The following RIMS3 variants were observed in gnomAD, a reference collection of about 807,000 sequenced individuals.
The protein encoded by RIMS3 is regulating synaptic membrane exocytosis protein 3.
In RIMS3, 15 loss-of-function variants were observed where a neutral mutation model predicts 29.2. The observed-to-expected ratio is 0.51, with a 90% CI of 0.34 to 0.79. RIMS3 has a LOEUF of 0.79. RIMS3 is among the 30% of genes least tolerant of loss of function. The pLI is 0.01. For missense variants in RIMS3, 342 were observed against 421.4 expected (o/e 0.81, Z 1.65); for synonymous variants, 161 against 170.1 (o/e 0.95, Z 0.41).
At chr1:40,652,086 A>G (rs1646634994) in intron 1 of RIMS3, among the ~76,000 whole-genome samples, 1 of 152,126 alleles carries the variant, frequency 6.6e-6, no homozygotes, top group African/African-American at 2.4e-5. Context: ...CAGGGTACAC[A>G]TTCTTCTCAG....
intron 7 of RIMS3, 97 bp from the exon 8 acceptor site, chr1:40,626,826 G>T: frequency 9.6e-7 from 1 of 1,036,414 alleles, no homozygotes; most frequent in Non-Finnish European, 1.5e-6. Flanking sequence ...GGGCACAGAT[G>T]GAGCAGAGGG....
chr1:40,683,315 G>A, the RIMS3 span, among the ~76,000 whole-genome samples: 2 of 152,208 alleles, frequency 1.3e-5, no homozygotes, highest in South Asian at 4.1e-4. Flanking sequence ...GTTGAGAAGT[G>A]GAACACTTAA....
At position 40,636,194 on chromosome 1, in the gene RIMS3, C is replaced by A. The variant is rs1057397648; in HGVS notation, c.218-137G>T. The A allele has an allele frequency of 2.7e-6, 3 of 1,131,706 alleles. No homozygotes were observed. Among genetic ancestry groups the A allele is most frequent in the Admixed American group, 2.1e-5 (1 of 47,060 alleles). The allele number at this position is 1,131,706 out of a possible 1,614,324, so 70.1% of individuals were successfully genotyped here. ...GGATGAGCAGGGCTCTGACTGGAGG[C>A]AGGGGCATGGCTGAGCTGACCTCAG... is the stretch of plus-strand genomic sequence containing the variant. On this transcript the variant is annotated intron_variant, in intron 3 of 7. Transcript: ENST00000372684. This position sits in a 1 kb window ranked among gnomAD's most constrained non-coding sequence, Gnocchi z 4.2.
upstream of RIMS3, among the ~76,000 whole-genome samples, chr1:40,670,574 T>TTATTTATATATATATATATA (rs1553146614): frequency 2.8e-5 from 2 of 71,190 alleles, no homozygotes; most frequent in Non-Finnish European, 4.8e-5. Flanking sequence ...AGTTATAATT[T>TTATTTATATATATATATATA]TATATATATA....
intron 2 of RIMS3, among the ~76,000 whole-genome samples, chr1:40,645,988 G>C (rs901455609): frequency 6.6e-6 from 1 of 152,184 alleles, no homozygotes; most frequent in Non-Finnish European, 1.5e-5. Flanking sequence ...AAGGTCCTAG[G>C]ACTGACCTTG....
upstream of RIMS3, among the ~76,000 whole-genome samples, chr1:40,670,064 G>A (rs114005850): frequency 0.012 from 1,876 of 152,226 alleles, 50 homozygotes; most frequent in African/African-American, 0.043. Flanking sequence ...TGCTGTTGGT[G>A]ACTTGGTCTC....
chr1:40,652,685 G>A (rs748307337), intron 1 of RIMS3, among the ~76,000 whole-genome samples: 5 of 152,232 alleles, frequency 3.3e-5, no homozygotes, highest in Non-Finnish European at 7.3e-5. Context: ...TAGGCTGGGA[G>A]CAGCCAGTGC....
At chr1:40,689,882 T>C in the RIMS3 span, among the ~76,000 whole-genome samples, 1 of 152,206 alleles carries the variant, frequency 6.6e-6, no homozygotes, top group Non-Finnish European at 1.5e-5. Flanking sequence ...TGGGATCCCT[T>C]GGGACCTCCT....
At chr1:40,682,127 C>G in the RIMS3 span, among the ~76,000 whole-genome samples, 1 of 152,204 alleles carries the variant, frequency 6.6e-6, no homozygotes, top group Non-Finnish European at 1.5e-5. Flanking sequence ...AGCCACCATG[C>G]CTGGCCTCCC....
chr1:40,668,858 C>T (rs1031658361), upstream of RIMS3, among the ~76,000 whole-genome samples: 2 of 152,176 alleles, frequency 1.3e-5, no homozygotes, highest in East Asian at 3.9e-4. Context: ...CCCTCCAAGC[C>T]GAGACGGGGA....
the RIMS3 span, among the ~76,000 whole-genome samples, chr1:40,681,221 T>C: frequency 1.3e-5 from 2 of 152,192 alleles, no homozygotes; most frequent in Non-Finnish European, 2.9e-5. Context: ...AGAGTAGATA[T>C]GGCTGAATGG....
chr1:40,628,682 T>G, intron 7 of RIMS3, 128 bp downstream of exon 7: 1 of 1,300,694 alleles, frequency 7.7e-7, no homozygotes. Flanking sequence ...GTTGTGAAAG[T>G]AAATGAGTAA....
rs79738734 is a variant in RIMS3 at position 40,639,287 on chromosome 1, T to C, written c.217+2422A>G. On this transcript the variant is annotated intron_variant, in intron 3 of 7. Coordinates refer to ENST00000372684, the MANE Select transcript of RIMS3 (RefSeq NM_014747.3). Reference sequence around the variant, plus strand: ...GAACAGTTTCCAGAGCCAATGCCCATGAGTCTGCCTCATATATTCCTCTGG... The same window carrying C: ...GAACAGTTTCCAGAGCCAATGCCCACGAGTCTGCCTCATATATTCCTCTGG... Among the ~76,000 whole-genome samples, 1,485 of 152,336 alleles carry C rather than the reference T, an allele frequency of 9.7e-3. 19 individuals carry two copies. The highest frequency in any genetic ancestry group is 0.033 in the African/African-American group (1,391 of 41,564).
At chr1:40,639,071 G>A (rs1479569257) in intron 3 of RIMS3, among the ~76,000 whole-genome samples, 4 of 152,176 alleles carry the variant, frequency 2.6e-5, no homozygotes, top group Non-Finnish European at 5.9e-5. Flanking sequence ...AAACAAAGAA[G>A]GATGGGCAGA....
At chr1:40,678,098 C>G in the RIMS3 span, among the ~76,000 whole-genome samples, 6 of 152,104 alleles carry the variant, frequency 3.9e-5, no homozygotes, top group Admixed American at 6.5e-5. Context: ...CTATCCCTCC[C>G]TCAGTATCTC....
the RIMS3 span, among the ~76,000 whole-genome samples, chr1:40,687,814 A>G: frequency 1.3e-5 from 2 of 151,972 alleles, no homozygotes; most frequent in Non-Finnish European, 2.9e-5. Flanking sequence ...GGCTGCCTAC[A>G]TGTCTTCCCT....
At position 40,623,720 on chromosome 1, in the gene RIMS3, C is replaced by T. The variant is rs1046562698; in HGVS notation, c.*2797G>A. ...CACCCCAGCAAACAACCAGGAGTTA[C>T]ACTTGTGCATTCTCCTCTTCTGGGA... On this transcript the variant is annotated 3_prime_UTR_variant, in exon 8 of 8. Coordinates refer to ENST00000372684, the MANE Select transcript of RIMS3 (RefSeq NM_014747.3). 4 of 390,758 alleles carry T rather than the reference C, an allele frequency of 1.0e-5. No homozygotes were observed. Among genetic ancestry groups the T allele is most frequent in the African/African-American group, 8.4e-5 (4 of 47,614 alleles). The allele number at this position is 390,758 out of a possible 1,614,324, so 24.2% of individuals were successfully genotyped here.
the RIMS3 span, among the ~76,000 whole-genome samples, chr1:40,683,729 T>G: frequency 6.6e-6 from 1 of 152,250 alleles, no homozygotes; most frequent in Admixed American, 6.5e-5. Flanking sequence ...CAGCTACACG[T>G]GGCTAGTGGC....
intron 2 of RIMS3, among the ~76,000 whole-genome samples, chr1:40,646,872 A>T (rs969083944): frequency 1.4e-5 from 2 of 139,036 alleles, no homozygotes; most frequent in Non-Finnish European, 1.6e-5. Context: ...CCGTGGGTCT[A>T]ACCAGATAAC....
Sources: allele counts gnomAD v4.1 joint callset (sites outside exome capture counted in the v4.1 genomes callset), GRCh38; gene constraint gnomAD v4.1.1; non-coding constraint Gnocchi (gnomAD v3.1); transcripts MANE v1.5; gene names NCBI Gene and HGNC (gene_info 2026-07-23, HGNC 2026-07-21).